Variants in SPPL2B observed in about 807,000 individuals in gnomAD.
SPPL2B encodes signal peptide peptidase-like 2B.
A neutral mutation model predicts 59.7 loss-of-function variants in SPPL2B; 39 were observed. The ratio of observed to expected loss-of-function variants is 0.65; its 90% confidence interval spans 0.51 to 0.85. The LOEUF (loss-of-function observed/expected upper bound fraction) is 0.85, where lower values mean the gene tolerates loss of function less well. Ranked by LOEUF, SPPL2B falls within the 40% of genes least tolerant of loss-of-function variation. The pLI is 0.00. For synonymous variants in SPPL2B, 419 were observed against 370.8 expected (o/e 1.13, Z -1.49); for missense variants, 865 against 849.0 (o/e 1.02, Z -0.23).
At position 2,339,551 on chromosome 19, in the gene SPPL2B, C is replaced by T. The variant is rs541045462; in HGVS notation, c.600-273C>T. On this transcript the variant is annotated intron_variant, in intron 5 of 14. Transcript: ENST00000613503. ...GGCCCCATGTCCAGGGCTCTTTATGCAGATCCAAGCTGCGGTTGCTGCCCA... is the reference window on the plus strand; with the variant it reads ...GGCCCCATGTCCAGGGCTCTTTATGTAGATCCAAGCTGCGGTTGCTGCCCA... The T allele has an allele frequency of 5.6e-4, 327 of 587,162 alleles. 1 individual carries two copies. The African/African-American group carries it at 5.7e-3, about 10-fold the overall frequency. 36.4% of individuals were successfully genotyped at this position (587,162 alleles called of 1,614,324 possible).
In SPPL2B at chr19:2,352,871, GGGTGTCCTGGCCCCTGCCAGGGT is replaced by G. The variant is rs1970001918; in HGVS notation, c.1516-74_1516-52del. On this transcript the variant is annotated intron_variant, in intron 14 of 14. Coordinates refer to ENST00000613503, the MANE Select transcript of SPPL2B (RefSeq NM_152988.3). Reference sequence around the variant, plus strand: ...CCTGCCCCCGTGGCCTGCGGGTGCTGGGTGTCCTGGCCCCTGCCAGGGTCCTCCTCTGGGTCCCTGTCTCCGCC... The same window carrying G: ...CCTGCCCCCGTGGCCTGCGGGTGCTGCCTCCTCTGGGTCCCTGTCTCCGCC... 2.6e-6 allele frequency: 4 copies of G among 1,537,772 alleles called. No individual in the cohort carries two copies. In the Admixed American group the frequency reaches 7.4e-5, roughly 29 times the overall value.
rs2145154167 is a variant in SPPL2B at position 2,337,540 on chromosome 19, G to A, written c.284G>A (p.Arg95Gln). 6.2e-7 allele frequency: 1 copy of A among 1,612,704 alleles called. No individual in the cohort carries two copies. Among genetic ancestry groups the A allele is most frequent in the East Asian group, 2.2e-5 (1 of 44,878 alleles). Residue 95 changes from arginine to glutamine, a missense_variant, in exon 3 of 15, where the codon CGG becomes CAG. Coordinates refer to ENST00000613503, the MANE Select transcript of SPPL2B (RefSeq NM_152988.3). ...GFSNQIPLVA[R>Q]GNCTFYEKVR... ...AGCAACCAGATCCCGCTGGTGGCGC[G>A]GGGGAACTGCACCTTCTATGAGAAA...
Position 2,339,111 on chromosome 19 carries a change from G to A in SPPL2B, c.502G>A (p.Glu168Lys). 6.3e-7 allele frequency: 1 copy of A among 1,577,650 alleles called. No individual in the cohort carries two copies. The highest frequency in any genetic ancestry group is 8.6e-7 in the Non-Finnish European group (1 of 1,162,022). Reference sequence around the variant, plus strand: ...GAGGGCGGCGCTGTATGCGCCTAAGGAGCCGGTGCTGGACTACAACATGGT... The same window carrying A: ...GAGGGCGGCGCTGTATGCGCCTAAGAAGCCGGTGCTGGACTACAACATGGT... ...TVRAALYAPK[E>K]PVLDYNMVII... The change falls in exon 5 of 15, where the codon GAG becomes AAG. Residue 168 changes from glutamate to lysine, a missense_variant. Transcript: ENST00000613503.
chr19:2,334,694 C>A lies in SPPL2B; in HGVS notation c.159C>A (p.Ala53=), dbSNP rs1362462323. ...DYCILYNPQW[A]HLPHDLSKAS... ...GCATCCTCTACAACCCGCAGTGGGC[C>A]CATCTTCCGCACGACCTCAGCAAGG... The change falls in exon 2 of 15, where the codon GCC becomes GCA. Residue 53 remains alanine (A), a synonymous_variant. Transcript: ENST00000613503. 1 of 1,611,252 alleles carries A rather than the reference C, an allele frequency of 6.2e-7. No individual in the cohort carries two copies. Among genetic ancestry groups the A allele is most frequent in the East Asian group, 2.2e-5 (1 of 44,754 alleles).
intron 1 of SPPL2B, among the ~76,000 whole-genome samples, chr19:2,333,078 C>T (rs1968369085): frequency 1.6e-5 from 1 of 64,342 alleles, no homozygotes; most frequent in Non-Finnish European, 2.7e-5. Flanking sequence ...GGACTAGACT[C>T]TGCTGGGAGG....
intron 3 of SPPL2B, 169 bp downstream of exon 3, chr19:2,337,794 T>C: frequency 1.5e-6 from 1 of 680,610 alleles, no homozygotes; most frequent in South Asian, 2.1e-5. Context: ...CCGGGCCGAG[T>C]GTGGCCGTGG....
At chr19:2,330,970 T>C (rs1218444397) in intron 1 of SPPL2B, among the ~76,000 whole-genome samples, 1 of 152,114 alleles carries the variant, frequency 6.6e-6, no homozygotes, top group Non-Finnish European at 1.5e-5. Context: ...TTCGCGGCAG[T>C]GGAAATTTGA....
In SPPL2B at chr19:2,345,275, C is replaced by G. The variant is rs202021724; in HGVS notation, c.1299C>G (p.His433Gln). 171 of 1,613,070 alleles carry G rather than the reference C, an allele frequency of 1.1e-4. 1 individual carries two copies. Among genetic ancestry groups the G allele is most frequent in the Non-Finnish European group, 1.3e-5 (15 of 1,179,768 alleles). Residue 433 changes from histidine (H) to glutamine (Q), a missense_variant, in exon 13 of 15, where the codon CAC becomes CAG. Physicochemically the swap from His to Gln is conservative, Grantham distance 24. Coordinates refer to ENST00000613503, the MANE Select transcript of SPPL2B (RefSeq NM_152988.3). ...LVPGLLVAYC[H>Q]RFDIQVQSSR... ...CAGGGCTGCTGGTGGCCTACTGCCA[C>G]AGGTTTGACATCCAGGTACAGTCCT...
intron 5 of SPPL2B, 103 bp from the exon 6 acceptor site, chr19:2,339,721 G>C: frequency 7.1e-7 from 1 of 1,400,924 alleles, no homozygotes; most frequent in Non-Finnish European, 9.8e-7. Context: ...GTCCCCTCCT[G>C]CTCCCGGGTT....
At chr19:2,334,563 TC>T (rs780557638) in intron 1 of SPPL2B, 38 bp from the exon 2 acceptor site, 11 of 1,588,214 alleles carry the variant, frequency 6.9e-6, no homozygotes, top group Non-Finnish European at 9.4e-6. Flanking sequence ...GCCCCGCACG[TC>T]CCGTGCTGTG....
At chr19:2,341,249 G>T (rs112343939) in intron 8 of SPPL2B, 2 of 674,036 alleles carry the variant, frequency 3.0e-6, no homozygotes, top group Non-Finnish European at 5.5e-6. Flanking sequence ...GGAGAGGCCG[G>T]AGCCCCTGTG....
In SPPL2B at chr19:2,353,841, C is replaced by T. The variant is rs1033818978; in HGVS notation, c.*632C>T. The T allele has an allele frequency of 6.5e-6, 1 of 153,228 alleles. No individual in the cohort carries two copies. The highest frequency in any genetic ancestry group is 2.4e-5 in the African/African-American group (1 of 41,446). 9.5% of individuals were successfully genotyped at this position (153,228 alleles called of 1,614,324 possible). On this transcript the variant is annotated 3_prime_UTR_variant, in exon 15 of 15. Coordinates refer to ENST00000613503, the MANE Select transcript of SPPL2B (RefSeq NM_152988.3). ...TGGCAGTAAGTGGACAAGCTGCTCC[C>T]CTGGCTAAGGCCCTGCCCTGCCCTC... is the stretch of plus-strand genomic sequence containing the variant.
chr19:2,333,673 C>T (rs1352136291), intron 1 of SPPL2B, among the ~76,000 whole-genome samples: 3 of 152,250 alleles, frequency 2.0e-5, no homozygotes, highest in African/African-American at 7.2e-5. Flanking sequence ...GGCGCGGTGG[C>T]CACCACCCCT....
At chr19:2,338,580 G>T (rs750813931) in intron 3 of SPPL2B, 172 bp from the exon 4 acceptor site, 3 of 569,942 alleles carry the variant, frequency 5.3e-6, no homozygotes, top group African/African-American at 1.9e-5. Flanking sequence ...CCTGTTCTTG[G>T]GTCCTCCTGG....
chr19:2,343,399 C>G (rs1969171290), intron 9 of SPPL2B, 107 bp downstream of exon 9: 1 of 961,882 alleles, frequency 1.0e-6, no homozygotes, highest in African/African-American at 1.6e-5. Flanking sequence ...TGCTCCTGCT[C>G]ACTGCCCTGG....
rs1168966133 is a variant in SPPL2B at position 2,337,423 on chromosome 19, CTG to C, written c.187-17_187-16del. ...GTGACTCACATCACGTGAGACAACA[CTG>C]TGCCCTGGCCTTTCCAGTCTTTCCT... On this transcript the variant is annotated intron_variant, in intron 2 of 14. Coordinates refer to ENST00000613503, the MANE Select transcript of SPPL2B (RefSeq NM_152988.3). The C allele has an allele frequency of 6.3e-7, 1 of 1,577,518 alleles. No homozygotes were observed. The highest frequency in any genetic ancestry group is 8.6e-7 in the Non-Finnish European group (1 of 1,157,950).
intron 2 of SPPL2B, 138 bp from the exon 3 acceptor site, chr19:2,337,305 A>T: frequency 1.3e-6 from 1 of 754,578 alleles, no homozygotes; most frequent in Non-Finnish European, 2.1e-6. Context: ...GGCTCTGCCT[A>T]GGTGGGCCGA....
intron 9 of SPPL2B, 25 bp from the exon 10 acceptor site, chr19:2,343,939 GC>G: frequency 1.3e-6 from 2 of 1,536,116 alleles, no homozygotes; most frequent in South Asian, 2.4e-5. Context: ...CGGGGTGGGG[GC>G]CGCCCTCAGC....
rs375525802 is a variant in SPPL2B at position 2,339,845 on chromosome 19, C to T, written c.621C>T (p.Arg207=). The change falls in exon 6 of 15, where the codon CGC becomes CGT. Residue 207 remains arginine (R), a synonymous_variant. Transcript: ENST00000613503. ...CAAGAAGGTACATGAAGCACAAGCG[C>T]GACGATGGGCCCGAGAAGCAGGAGG... ...DVKKRYMKHK[R]DDGPEKQEDE... 1.8e-5 allele frequency: 29 copies of T among 1,606,434 alleles called. No homozygotes were observed. Among genetic ancestry groups the T allele is most frequent in the African/African-American group, 1.5e-4 (11 of 74,810 alleles).
Sources: gnomAD v4.1 joint callset for allele counts (sites outside exome capture counted in the v4.1 genomes callset) on GRCh38, gnomAD v4.1.1 for gene constraint, MANE v1.5 for transcripts, NCBI Gene and HGNC (gene_info 2026-07-23, HGNC 2026-07-21) for gene names.